Variants in PTPRU observed in about 807,000 individuals in gnomAD.
PTPRU encodes receptor-type tyrosine-protein phosphatase U.
Under a neutral mutation model 166.3 loss-of-function variants are expected in PTPRU, and 69 were observed. The observed-to-expected ratio is 0.41, with a 90% CI of 0.34 to 0.51. The LOEUF (loss-of-function observed/expected upper bound fraction) is 0.51, where lower values mean the gene tolerates loss of function less well. Ranked by LOEUF, PTPRU falls within the 20% of genes least tolerant of loss-of-function variation. PTPRU has a pLI of 0.09. For missense variants in PTPRU, 1,657 were observed against 2,013.7 expected, an observed-to-expected ratio of 0.82 and a Z score of 3.39; for synonymous variants, 793 against 814.0, an observed-to-expected ratio of 0.97 and a Z score of 0.44.
At chr1:29,318,873 G>A (rs1688020427) in intron 25 of PTPRU, among the ~76,000 whole-genome samples, 1 of 152,252 alleles carries the variant, frequency 6.6e-6, no homozygotes, top group Non-Finnish European at 1.5e-5. Context: ...TGTCACTGCT[G>A]CGTCTCTCCA....
chr1:29,275,681 C>G lies in PTPRU; in HGVS notation c.1378C>G (p.His460Asp). The change falls in exon 8 of 30, where the codon CAC (histidine) becomes GAC (aspartate). Residue 460 changes from histidine to aspartate, a missense_variant. Around this residue, in one of 3 missense-constraint regions of PTPRU, gnomAD observed 1,190 missense variants for 1,477.4 expected, o/e 0.81. Transcript: ENST00000373779. ...GAACCTGCTGCCCTATCGGAACGTT[C>G]ACGTGAGGCTTGTCCTCACTAACCC... ...IKNLLPYRNV[H>D]VRLVLTNPEG... The G allele has an allele frequency of 2.5e-6, 4 of 1,614,212 alleles. No individual in the cohort carries two copies. Among genetic ancestry groups the G allele is most frequent in the Non-Finnish European group, 3.4e-6 (4 of 1,180,038 alleles).
intron 18 of PTPRU, among the ~76,000 whole-genome samples, chr1:29,306,737 G>A (rs1288911497): frequency 6.6e-6 from 1 of 152,222 alleles, no homozygotes; most frequent in Non-Finnish European, 1.5e-5. Flanking sequence ...CAGGGTCTCT[G>A]GAGGTGGCCT....
Position 29,275,684 on chromosome 1 carries a change from G to C in PTPRU, c.1381G>C (p.Val461Leu), listed in dbSNP as rs759884380. The change falls in exon 8 of 30, where the codon GTG becomes CTG. Residue 461 changes from valine to leucine, a missense_variant. Transcript: ENST00000373779. ...CCTGCTGCCCTATCGGAACGTTCAC[G>C]TGAGGCTTGTCCTCACTAACCCTGA... The part of the protein sequence containing the change: ...KNLLPYRNVH[V>L]RLVLTNPEGR... The C allele has an allele frequency of 2.5e-6, 4 of 1,614,176 alleles. No homozygotes were observed. Among genetic ancestry groups the C allele is most frequent in the Non-Finnish European group, 3.4e-6 (4 of 1,180,034 alleles).
Position 29,279,419 on chromosome 1 carries a change from C to T in PTPRU, c.1564-37C>T. On this transcript the variant is annotated intron_variant, in intron 9 of 29. Coordinates refer to ENST00000373779, the MANE Select transcript of PTPRU (RefSeq NM_133178.4). This position sits in a 1 kb window ranked among gnomAD's most constrained non-coding sequence, Gnocchi z 5.2. ...GGCTGCTGGTCAGGGATGCTCTGAC[C>T]ATCCAGTGCCCACCTGCCTGCCAAT... is the stretch of plus-strand genomic sequence containing the variant. 3.1e-6 allele frequency: 5 copies of T among 1,587,764 alleles called. No homozygotes were observed. Among genetic ancestry groups the T allele is most frequent in the Non-Finnish European group, 4.3e-6 (5 of 1,156,540 alleles).
Position 29,279,567 on chromosome 1 carries a change from C to T in PTPRU, c.1675C>T (p.Pro559Ser), listed in dbSNP as rs748279144. Residue 559 changes from proline to serine, a missense_variant, in exon 10 of 30, where the codon CCA becomes TCA. Pro to Ser is a moderately conservative substitution (Grantham distance 74). Transcript: ENST00000373779. This position sits in a 1 kb window ranked among gnomAD's most constrained non-coding sequence, Gnocchi z 5.2. ...ETYHVFSNLHPGTTYLFSVRA... is the reference protein window; with the variant it reads ...ETYHVFSNLHSGTTYLFSVRA... ...CTACCATGTCTTCTCCAACCTGCAC[C>T]CAGGCACCACCTACCTGTTCTCCGT... is the stretch of plus-strand genomic sequence containing the variant. 1 of 1,614,190 alleles carries T rather than the reference C, an allele frequency of 6.2e-7. No homozygotes were observed.
At chr1:29,276,552 A>C (rs1021344177) in intron 8 of PTPRU, among the ~76,000 whole-genome samples, 1 of 152,154 alleles carries the variant, frequency 6.6e-6, no homozygotes, top group African/African-American at 2.4e-5. Flanking sequence ...TCCTGGGCTC[A>C]AGTGATCCAC....
chr1:29,312,472 C>T (rs1687708971), intron 21 of PTPRU, 80 bp from the exon 22 acceptor site: 2 of 1,316,804 alleles, frequency 1.5e-6, no homozygotes, highest in Non-Finnish European at 1.0e-6. Flanking sequence ...ATGCTTACTG[C>T]AGTGCCTGGC....
Position 29,312,764 on chromosome 1 carries a change from T to A in PTPRU, c.3227+58T>A. On this transcript the variant is annotated intron_variant, in intron 22 of 29. Coordinates refer to ENST00000373779, the MANE Select transcript of PTPRU (RefSeq NM_133178.4). ...GGCCCTTCTCCCTGGGAATTTGGGC[T>A]TGGGGTCAGGTTGGTTCAGGATCTG... 1.9e-6 allele frequency: 3 copies of A among 1,547,160 alleles called. No homozygotes were observed. In the South Asian group the frequency reaches 3.6e-5, roughly 19 times the overall value.
chr1:29,261,149 C>T (rs1685048610), intron 7 of PTPRU, among the ~76,000 whole-genome samples: 1 of 152,162 alleles, frequency 6.6e-6, no homozygotes, highest in Non-Finnish European at 1.5e-5. Flanking sequence ...AACACTACCA[C>T]GATGTAGGTG....
At chr1:29,305,545 T>G (rs760001856) in intron 18 of PTPRU, 117 bp downstream of exon 18, 1 of 1,044,098 alleles carries the variant, frequency 9.6e-7, no homozygotes, top group Non-Finnish European at 1.5e-6. Context: ...GAGTTCGGAG[T>G]GCCCCTATCT....
chr1:29,258,144 T>A (rs1232798208), intron 2 of PTPRU, among the ~76,000 whole-genome samples: 2 of 152,172 alleles, frequency 1.3e-5, no homozygotes, highest in African/African-American at 4.8e-5. Context: ...TTTGTTTTTT[T>A]AGTAGAGACA....
chr1:29,254,387 A>C (rs1684681864), intron 1 of PTPRU, among the ~76,000 whole-genome samples: 1 of 152,210 alleles, frequency 6.6e-6, no homozygotes, highest in Non-Finnish European at 1.5e-5. Flanking sequence ...CATGTATTTC[A>C]ATCCTCACTT....
rs1462845233 is a variant in PTPRU at position 29,259,537 on chromosome 1, G to A, written c.648G>A (p.Ala216=). ...ASFQCMAAGR[A]AEAERFLLQR... is the part of the protein sequence containing the mutation. ...TCCAGTGCATGGCCGCGGGCAGAGCGGCCGAGGCCGAACGCTTCCTCTTGC... is the reference window on the plus strand; with the variant it reads ...TCCAGTGCATGGCCGCGGGCAGAGCAGCCGAGGCCGAACGCTTCCTCTTGC... The change falls in exon 5 of 30, where the codon GCG becomes GCA. Residue 216 remains alanine, a synonymous_variant. Transcript: ENST00000373779. 4 of 1,605,422 alleles carry A rather than the reference G, an allele frequency of 2.5e-6. No individual in the cohort carries two copies. In the African/African-American group the frequency reaches 5.3e-5, roughly 21 times the overall value.
intron 17 of PTPRU, 33 bp from the exon 18 acceptor site, chr1:29,305,319 T>G (rs1426616006): frequency 6.2e-7 from 1 of 1,608,710 alleles, no homozygotes; most frequent in Non-Finnish European, 8.5e-7. Context: ...GGCTCCCCAG[T>G]TCAGCCCCTG....
chr1:29,262,072 C>T (rs992932788), intron 7 of PTPRU, among the ~76,000 whole-genome samples: 2 of 152,136 alleles, frequency 1.3e-5, no homozygotes, highest in Non-Finnish European at 2.9e-5. Flanking sequence ...TGTAGTTCTG[C>T]ACAATTTATC....
chr1:29,303,949 G>A lies in PTPRU; in HGVS notation c.2571G>A (p.Thr857=), dbSNP rs748568462. The A allele has an allele frequency of 9.3e-6, 15 of 1,613,922 alleles. No homozygotes were observed. The East Asian group carries it at 1.3e-4, about 14-fold the overall frequency. Residue 857 remains threonine (T), a synonymous_variant, in exon 16 of 30, where the codon ACG becomes ACA. Coordinates refer to ENST00000373779, the MANE Select transcript of PTPRU (RefSeq NM_133178.4). ...PCGRKGSPYH[T]GQLHPAVRVA... is the part of the protein sequence containing the mutation. Reference sequence around the variant, plus strand: ...GCCGGAAGGGCTCCCCATACCACACGGGGCAGCTGCACCCTGCGGTGCGTG... The same window carrying A: ...GCCGGAAGGGCTCCCCATACCACACAGGGCAGCTGCACCCTGCGGTGCGTG...
At chr1:29,266,031 T>TC (rs1685288753) in intron 7 of PTPRU, among the ~76,000 whole-genome samples, 1 of 144,560 alleles carries the variant, frequency 6.9e-6, no homozygotes, top group African/African-American at 2.6e-5. Flanking sequence ...TTTTTTTTTT[T>TC]TTTTTTGATA....
intron 1 of PTPRU, 122 bp from the exon 2 acceptor site, chr1:29,255,153 G>C (rs933491999): frequency 1.7e-6 from 2 of 1,195,970 alleles, no homozygotes; most frequent in Admixed American, 2.6e-5. Context: ...GTGGGGAAGG[G>C]CCTGAAGAGA....
chr1:29,279,484 A>G lies in PTPRU; in HGVS notation c.1592A>G (p.Asp531Gly). ...AGCTACCAGAGCATCGAGTCATCAG[A>G]CCCGGCAGTGAACGTGCCAGGCCCA... is the stretch of plus-strand genomic sequence containing the variant. ...EISYQSIESSDPAVNVPGPRR... is the reference protein window; with the variant it reads ...EISYQSIESSGPAVNVPGPRR... Residue 531 changes from aspartate (D) to glycine (G), a missense_variant, in exon 10 of 30, where the codon GAC (aspartate) becomes GGC (glycine). Around this residue, in one of 3 missense-constraint regions of PTPRU, gnomAD observed 1,190 missense variants for 1,477.4 expected, o/e 0.81. Transcript: ENST00000373779. The surrounding 1 kb of genome is among the most constrained non-coding windows in gnomAD (Gnocchi z 5.2). 6.2e-7 allele frequency: 1 copy of G among 1,613,934 alleles called. No individual in the cohort carries two copies. The highest frequency in any genetic ancestry group is 8.5e-7 in the Non-Finnish European group (1 of 1,179,980).
Sources: allele counts gnomAD v4.1 joint callset (sites outside exome capture counted in the v4.1 genomes callset), GRCh38; gene constraint gnomAD v4.1.1; regional missense constraint gnomAD v4.1.1; non-coding constraint Gnocchi (gnomAD v3.1); transcripts MANE v1.5; gene names NCBI Gene and HGNC (gene_info 2026-07-23, HGNC 2026-07-21).